The following ZMYND8 variants were observed in gnomAD, a reference collection of about 807,000 sequenced individuals.
The protein encoded by ZMYND8 is MYND-type zinc finger-containing chromatin reader ZMYND8.
Under a neutral mutation model 140.8 loss-of-function variants are expected in ZMYND8, and 37 were observed. The observed-to-expected ratio is 0.26, with a 90% CI of 0.20 to 0.35. The LOEUF is 0.35. Ranked by LOEUF, ZMYND8 falls within the 10% of genes least tolerant of loss-of-function variation. The pLI is 1.00. For synonymous variants in ZMYND8, 592 were observed against 597.1 expected, an observed-to-expected ratio of 0.99 and a Z score of 0.12; for missense variants, 1,068 against 1,570.0, an observed-to-expected ratio of 0.68 and a Z score of 5.40.
chr20:47,272,083 T>C (rs954035800), intron 11 of ZMYND8, among the ~76,000 whole-genome samples: 3 of 151,206 alleles, frequency 2.0e-5, no homozygotes, highest in Non-Finnish European at 4.4e-5. Context: ...ATGAAACCTC[T>C]TTTTTTTTCT....
chr20:47,229,786 T>A lies in ZMYND8; in HGVS notation c.2877A>T (p.Gly959=). The change falls in exon 17 of 23, where the codon GGA becomes GGT. Residue 959 remains glycine (G), a synonymous_variant. Transcript: ENST00000471951. ...YTSKMMDAIK[G]TMTEIYNDLS... is the part of the protein sequence containing the mutation. ...GATCGTTGTATATTTCTGTCATTGT[T>A]CCTTTTATTGCATCCATCATCTGAA... 1 of 1,613,542 alleles carries A rather than the reference T, an allele frequency of 6.2e-7. No homozygotes were observed. Among genetic ancestry groups the A allele is most frequent in the East Asian group, 2.2e-5 (1 of 44,878 alleles).
At chr20:47,326,277 T>C (rs889444927) in intron 2 of ZMYND8, among the ~76,000 whole-genome samples, 1 of 151,894 alleles carries the variant, frequency 6.6e-6, no homozygotes, top group African/African-American at 2.4e-5. Context: ...GTTTTTGTAT[T>C]TTTTAGTAGA....
chr20:47,285,338 C>A (rs527503526), intron 8 of ZMYND8, among the ~76,000 whole-genome samples: 1 of 152,300 alleles, frequency 6.6e-6, no homozygotes, highest in East Asian at 1.9e-4. Context: ...CACAGGTCAG[C>A]GAGTAAGTAA....
intron 1 of ZMYND8, chr20:47,356,333 G>GAA (rs71183243): frequency 4.3e-4 from 447 of 1,043,010 alleles, no homozygotes; most frequent in East Asian, 1.1e-3. Flanking sequence ...AAGAGGGAAA[G>GAA]AAAAAAAAAA....
Position 47,238,777 on chromosome 20 carries a change from C to A in ZMYND8, c.2646G>T (p.Gln882His). The change falls in exon 15 of 23, where the codon CAG (glutamine) becomes CAT (histidine). Residue 882 changes from glutamine (Q) to histidine (H), a missense_variant. By Grantham distance (24) the Gln-to-His change is conservative (BLOSUM62 0). Coordinates refer to ENST00000471951, the MANE Select transcript of ZMYND8 (RefSeq NM_001281775.3). ...QPQSSQGTRY[Q>H]TRQAVKAVQQ... is the part of the protein sequence containing the mutation. ...CGGTACCTTTCACAGCCTGTCTGGT[C>A]TGATATCTCGTCCCCTGGGAAGACT... 6.2e-7 allele frequency: 1 copy of A among 1,612,416 alleles called. No homozygotes were observed. Among genetic ancestry groups the A allele is most frequent in the African/African-American group, 1.3e-5 (1 of 74,980 alleles).
chr20:47,242,831 A>G (rs1447099907), intron 14 of ZMYND8, among the ~76,000 whole-genome samples: 3 of 152,246 alleles, frequency 2.0e-5, no homozygotes, highest in Non-Finnish European at 4.4e-5. Context: ...ATGAGGCTAC[A>G]GGAAATTTCA....
chr20:47,333,724 CAAAAAAAAAAAA>C (rs57968979), intron 2 of ZMYND8, among the ~76,000 whole-genome samples: 34 of 29,740 alleles, frequency 1.1e-3, no homozygotes, highest in Admixed American at 3.4e-3. Flanking sequence ...GACTCCGTCT[CAAAAAAAAAAAA>C]AAAAAAAAAA....
At chr20:47,328,802 A>G (rs1336881769) in intron 2 of ZMYND8, among the ~76,000 whole-genome samples, 6 of 152,228 alleles carry the variant, frequency 3.9e-5, no homozygotes, top group African/African-American at 1.4e-4. Context: ...TTCACAAAAC[A>G]TTTAATGGGC....
Position 47,236,295 on chromosome 20 carries a change from C to T in ZMYND8, c.2856+31G>A, listed in dbSNP as rs758256486. ...TTCTGGCATCCTGCCAGGTGTCTGC[C>T]ATCTCCACGGTAGCTCTCCCATCCA... On this transcript the variant is annotated intron_variant, in intron 16 of 22. Coordinates refer to ENST00000471951, the MANE Select transcript of ZMYND8 (RefSeq NM_001281775.3). 8 of 1,613,550 alleles carry T rather than the reference C, an allele frequency of 5.0e-6. No homozygotes were observed. In the South Asian group the frequency reaches 6.6e-5, roughly 13 times the overall value.
intron 3 of ZMYND8, among the ~76,000 whole-genome samples, chr20:47,309,473 C>CT (rs954044763): frequency 1.3e-5 from 2 of 152,180 alleles, no homozygotes; most frequent in African/African-American, 4.8e-5. Context: ...GCTCAGCTAA[C>CT]TTTTTTTGTA....
intron 7 of ZMYND8, among the ~76,000 whole-genome samples, chr20:47,287,968 C>G (rs1414819290): frequency 6.6e-6 from 1 of 152,196 alleles, no homozygotes; most frequent in Admixed American, 6.5e-5. Flanking sequence ...GGAGTCACCA[C>G]TTACATTACT....
At chr20:47,247,028 C>T (rs960234918) in intron 13 of ZMYND8, among the ~76,000 whole-genome samples, 12 of 152,178 alleles carry the variant, frequency 7.9e-5, no homozygotes, top group Non-Finnish European at 1.5e-4. Context: ...TCCTTTGTGT[C>T]TAGGCCAAAG....
Position 47,246,516 on chromosome 20 carries a change from G to C in ZMYND8, c.1776C>G (p.Gly592=). The change falls in exon 14 of 23, where the codon GGC becomes GGG. Residue 592 remains glycine (G), a splice_region_variant and synonymous_variant. Transcript: ENST00000471951. The stretch of plus-strand genomic sequence containing the variant: ...AGACATCTTCCGAGATTTCATTTAT[G>C]CCTAAATTCAAAAAGAAAACCCAGC... ...KTIESCKAQL[G]INEISEDVYT... is the part of the protein sequence containing the mutation. 1 of 1,562,438 alleles carries C rather than the reference G, an allele frequency of 6.4e-7. No individual in the cohort carries two copies. Among genetic ancestry groups the C allele is most frequent in the Non-Finnish European group, 8.6e-7 (1 of 1,158,500 alleles).
At chr20:47,341,901 G>A (rs1049807542) in intron 2 of ZMYND8, among the ~76,000 whole-genome samples, 1 of 152,158 alleles carries the variant, frequency 6.6e-6, no homozygotes, top group African/African-American at 2.4e-5. Context: ...TACTTGGGAG[G>A]CTGAGGCAGG....
chr20:47,313,484 T>C (rs1055825630), intron 2 of ZMYND8, among the ~76,000 whole-genome samples: 7 of 151,678 alleles, frequency 4.6e-5, no homozygotes, highest in East Asian at 1.9e-4. Flanking sequence ...TAGCCGGGCG[T>C]GGTGGCGGGC....
At chr20:47,349,305 C>G (rs1208709129) in intron 1 of ZMYND8, among the ~76,000 whole-genome samples, 1 of 152,152 alleles carries the variant, frequency 6.6e-6, no homozygotes, top group Non-Finnish European at 1.5e-5. Context: ...TGATTTTGAA[C>G]CCCGTTAACA....
Position 47,298,625 on chromosome 20 carries a change from C to A in ZMYND8, c.453+104G>T. 4.6e-6 allele frequency: 7 copies of A among 1,518,140 alleles called. No homozygotes were observed. The highest frequency in any genetic ancestry group is 6.2e-6 in the Non-Finnish European group (7 of 1,131,036). 94.0% of individuals were successfully genotyped at this position (1,518,140 alleles called of 1,614,324 possible). ...AGAACAGGTGGAAAGCAAGAAATTTCTCTTTTCCATCTATCTGGATTATTT... is the reference window on the plus strand; with the variant it reads ...AGAACAGGTGGAAAGCAAGAAATTTATCTTTTCCATCTATCTGGATTATTT... On this transcript the variant is annotated intron_variant, in intron 4 of 22. Coordinates refer to ENST00000471951, the MANE Select transcript of ZMYND8 (RefSeq NM_001281775.3). This position sits in a 1 kb window ranked among gnomAD's most constrained non-coding sequence, Gnocchi z 5.0.
At chr20:47,218,129 C>T (rs914368378) in intron 21 of ZMYND8, among the ~76,000 whole-genome samples, 1 of 152,198 alleles carries the variant, frequency 6.6e-6, no homozygotes, top group Non-Finnish European at 1.5e-5. Context: ...CTAAATGGCC[C>T]TCTATGGAAA....
chr20:47,266,580 A>G (rs1436847336), intron 11 of ZMYND8, among the ~76,000 whole-genome samples: 1 of 152,012 alleles, frequency 6.6e-6, no homozygotes, highest in African/African-American at 2.4e-5. Context: ...CACTACACTC[A>G]GCCCATTCTT....
Sources: allele counts gnomAD v4.1 joint callset (sites outside exome capture counted in the v4.1 genomes callset), GRCh38; gene constraint gnomAD v4.1.1; non-coding constraint Gnocchi (gnomAD v3.1); transcripts MANE v1.5; gene names NCBI Gene and HGNC (gene_info 2026-07-23, HGNC 2026-07-21).